Variants in LRFN2 observed in about 807,000 individuals in gnomAD.
LRFN2 encodes leucine rich repeat and fibronectin type III domain containing 2, also known as leucine-rich repeat and fibronectin type-III domain-containing protein 2.
Under a neutral mutation model 37.3 loss-of-function variants are expected in LRFN2, and 18 were observed. That is an observed-to-expected ratio of 0.48 (90% CI 0.33 to 0.72). The LOEUF (loss-of-function observed/expected upper bound fraction) is 0.72. Ranked by LOEUF, LRFN2 falls within the 30% of genes least tolerant of loss-of-function variation. The pLI, the probability that LRFN2 is intolerant of heterozygous loss-of-function variation, is 0.02. For synonymous variants in LRFN2, 556 were observed against 466.6 expected (o/e 1.19, Z -2.47); for missense variants, 1,006 against 1,060.7 (o/e 0.95, Z 0.72).
rs772595008 is a variant in LRFN2 at position 40,432,394 on chromosome 6, C to G, written c.720G>C (p.Gly240=). The G allele has an allele frequency of 4.3e-6, 7 of 1,614,138 alleles. No individual in the cohort carries two copies. The Admixed American group carries it at 1.2e-4, about 27-fold the overall frequency. The change falls in exon 2 of 3, where the codon GGG becomes GGC. Residue 240 remains glycine (G), a synonymous_variant. Coordinates refer to ENST00000338305, the MANE Select transcript of LRFN2 (RefSeq NM_020737.3). The part of the protein sequence containing the change: ...PFAPPLSFSF[G]GNPLHCNCEL... ...CACAATTGCAGTGAAGTGGGTTACC[C>G]CCAAAACTAAAGGACAAGGGTGGGG...
At chr6:40,577,194 T>C (rs532330638) in intron 1 of LRFN2, among the ~76,000 whole-genome samples, 155 of 151,732 alleles carry the variant, frequency 1.0e-3, no homozygotes, top group African/African-American at 3.4e-3. Context: ...TTCCACCTCC[T>C]GGGTTCAAGC....
intron 2 of LRFN2, among the ~76,000 whole-genome samples, chr6:40,416,786 C>T (rs1020359008): frequency 2.0e-5 from 3 of 152,274 alleles, no homozygotes; most frequent in East Asian, 3.9e-4. Context: ...ATCCACTGTT[C>T]GCCAGTCCCA....
At chr6:40,410,842 G>A (rs1219786245) in intron 2 of LRFN2, among the ~76,000 whole-genome samples, 2 of 152,182 alleles carry the variant, frequency 1.3e-5, no homozygotes, top group African/African-American at 2.4e-5. Flanking sequence ...TTAGCCAGGA[G>A]CTTTAAGGTG....
At chr6:40,502,936 G>C (rs1211435265) in intron 1 of LRFN2, among the ~76,000 whole-genome samples, 1 of 152,236 alleles carries the variant, frequency 6.6e-6, no homozygotes, top group Non-Finnish European at 1.5e-5. Flanking sequence ...AATCACAAAG[G>C]AGCTGAGATT....
At chr6:40,416,074 T>A (rs1763086131) in intron 2 of LRFN2, among the ~76,000 whole-genome samples, 1 of 152,206 alleles carries the variant, frequency 6.6e-6, no homozygotes, top group Non-Finnish European at 1.5e-5. Flanking sequence ...AATGGCGGAA[T>A]CTTGGCTCAC....
At chr6:40,397,516 A>G (rs941945809) in intron 2 of LRFN2, among the ~76,000 whole-genome samples, 1 of 152,142 alleles carries the variant, frequency 6.6e-6, no homozygotes, top group Non-Finnish European at 1.5e-5. Context: ...ACTATGGTCT[A>G]CAAGAGACAG....
chr6:40,470,598 G>C (rs948935437), intron 1 of LRFN2, among the ~76,000 whole-genome samples: 1 of 145,584 alleles, frequency 6.9e-6, no homozygotes, highest in African/African-American at 2.7e-5. Flanking sequence ...GACAGAGCAA[G>C]ACTCTGTCTC....
chr6:40,492,794 C>T (rs1346856817), intron 1 of LRFN2, among the ~76,000 whole-genome samples: 1 of 152,108 alleles, frequency 6.6e-6, no homozygotes, highest in Non-Finnish European at 1.5e-5. Flanking sequence ...AGTTCCGAAG[C>T]CCAGACTCAT....
intron 1 of LRFN2, among the ~76,000 whole-genome samples, chr6:40,448,694 G>A (rs1764030523): frequency 6.6e-6 from 1 of 152,220 alleles, no homozygotes; most frequent in Non-Finnish European, 1.5e-5. Flanking sequence ...GTTGGTGTCT[G>A]GAGAGATTAC....
intron 1 of LRFN2, among the ~76,000 whole-genome samples, chr6:40,485,598 T>C (rs1189186647): frequency 1.3e-5 from 2 of 152,200 alleles, no homozygotes; most frequent in Admixed American, 1.3e-4. Flanking sequence ...TGAAATGCCC[T>C]CTCATAGAGA....
chr6:40,392,012 C>T lies in LRFN2; in HGVS notation c.2301G>A (p.Glu767=), dbSNP rs961650715. Reference sequence around the variant, plus strand: ...CCCGGGCCCCCACCAGGTCACTCTCCTCAAAGGGCAAGAGCATGCCGTTGA... The same window carrying T: ...CCCGGGCCCCCACCAGGTCACTCTCTTCAAAGGGCAAGAGCATGCCGTTGA... ...LSVNGMLLPF[E]ESDLVGARGT... The change falls in exon 3 of 3, where the codon GAG becomes GAA. Residue 767 remains glutamate, a synonymous_variant. Transcript: ENST00000338305. The surrounding 1 kb of genome is among the most constrained non-coding windows in gnomAD (Gnocchi z 4.7). 5 of 1,612,342 alleles carry T rather than the reference C, an allele frequency of 3.1e-6. No homozygotes were observed. The highest frequency in any genetic ancestry group is 4.2e-6 in the Non-Finnish European group (5 of 1,179,124).
At chr6:40,542,542 C>T (rs1314660730) in intron 1 of LRFN2, among the ~76,000 whole-genome samples, 1 of 151,976 alleles carries the variant, frequency 6.6e-6, no homozygotes, top group Admixed American at 6.6e-5. Flanking sequence ...GTGGCTTCCT[C>T]ACTGGTCTCC....
chr6:40,496,358 G>A (rs927949938), intron 1 of LRFN2, among the ~76,000 whole-genome samples: 3 of 152,154 alleles, frequency 2.0e-5, no homozygotes, highest in Non-Finnish European at 2.9e-5. Flanking sequence ...TCAGCCCACT[G>A]TTTTAAAACC....
intron 2 of LRFN2, among the ~76,000 whole-genome samples, chr6:40,410,728 AC>A: frequency 6.6e-6 from 1 of 152,222 alleles, no homozygotes; most frequent in East Asian, 1.9e-4. Context: ...TCGCAGCAGG[AC>A]CCCTCCTGGT....
intron 1 of LRFN2, among the ~76,000 whole-genome samples, chr6:40,520,954 G>A (rs1433275120): frequency 6.6e-6 from 1 of 152,124 alleles, no homozygotes; most frequent in Non-Finnish European, 1.5e-5. Flanking sequence ...GAGGACCAAT[G>A]ACATACGCAC....
intron 1 of LRFN2, among the ~76,000 whole-genome samples, chr6:40,557,511 G>A (rs1766912636): frequency 6.6e-6 from 1 of 152,144 alleles, no homozygotes; most frequent in African/African-American, 2.4e-5. Flanking sequence ...GTTTGGGTCA[G>A]GGAGACTCTG....
chr6:40,479,088 T>A (rs1409257629), intron 1 of LRFN2, among the ~76,000 whole-genome samples: 2 of 152,240 alleles, frequency 1.3e-5, no homozygotes, highest in East Asian at 3.8e-4. Context: ...GGCATTTGCT[T>A]CACTTCCTTG....
chr6:40,572,598 C>T (rs1248004423), intron 1 of LRFN2, among the ~76,000 whole-genome samples: 3 of 152,214 alleles, frequency 2.0e-5, no homozygotes, highest in Non-Finnish European at 4.4e-5. Flanking sequence ...TTTTATGGGG[C>T]TTGGGGCCCA....
chr6:40,403,450 G>T (rs769441311), intron 2 of LRFN2, among the ~76,000 whole-genome samples: 3 of 152,108 alleles, frequency 2.0e-5, no homozygotes, highest in Non-Finnish European at 1.5e-5. Flanking sequence ...GCTGGCCTCT[G>T]TCCCTGTTCT....
Sources: gnomAD v4.1 joint callset for allele counts (sites outside exome capture counted in the v4.1 genomes callset) on GRCh38, gnomAD v4.1.1 for gene constraint, Gnocchi (gnomAD v3.1) non-coding constraint, MANE v1.5 for transcripts, NCBI Gene and HGNC (gene_info 2026-07-23, HGNC 2026-07-21) for gene names.